The following MSRA variants were observed in gnomAD, a reference collection of about 807,000 sequenced individuals.
The protein encoded by MSRA is methionine sulfoxide reductase A, also known as mitochondrial peptide methionine sulfoxide reductase.
In MSRA, 54 loss-of-function variants were observed where a neutral mutation model predicts 31.3. The observed-to-expected ratio is 1.73, with a 90% CI of 1.39 to 2.17. The LOEUF (loss-of-function observed/expected upper bound fraction) is 2.17, where lower values mean the gene tolerates loss of function less well. Ranked by LOEUF, MSRA falls within the 30% of genes most tolerant of loss-of-function variation. The probability of loss-of-function intolerance (pLI) is 0.00; values close to 1 mark genes in which losing one functional copy is unlikely to be tolerated. For missense variants in MSRA, 507 were observed against 300.9 expected (o/e 1.69, Z -5.07); for synonymous variants, 169 against 116.5 (o/e 1.45, Z -2.90).
At chr8:10,310,794 CA>C in intron 4 of MSRA, among the ~76,000 whole-genome samples, 1 of 152,340 alleles carries the variant, frequency 6.6e-6, no homozygotes, top group South Asian at 2.1e-4. Flanking sequence ...CACATGGCCC[CA>C]CAGTGCTACA....
chr8:10,357,892 C>T (rs2129162993), intron 5 of MSRA, among the ~76,000 whole-genome samples: 1 of 152,288 alleles, frequency 6.6e-6, no homozygotes, highest in East Asian at 1.9e-4. Flanking sequence ...TTTTATATTG[C>T]ATTTGTATCT....
chr8:10,218,493 C>A (rs1369621769), intron 2 of MSRA, among the ~76,000 whole-genome samples: 2 of 152,140 alleles, frequency 1.3e-5, no homozygotes, highest in East Asian at 3.9e-4. Flanking sequence ...CTGATCATTG[C>A]CTCAGTCCAT....
chr8:10,313,056 C>T (rs1275561201), intron 4 of MSRA, among the ~76,000 whole-genome samples: 1 of 152,136 alleles, frequency 6.6e-6, no homozygotes, highest in Non-Finnish European at 1.5e-5. Flanking sequence ...TTGAAAAATC[C>T]ACTAGATACC....
chr8:10,384,965 G>A (rs1193308316), intron 5 of MSRA, among the ~76,000 whole-genome samples: 6 of 151,984 alleles, frequency 3.9e-5, no homozygotes, highest in Admixed American at 3.9e-4. Context: ...TTGGGCCACT[G>A]CACTCCAGCC....
chr8:10,184,108 C>G (rs1161206761), intron 1 of MSRA, among the ~76,000 whole-genome samples: 2 of 148,754 alleles, frequency 1.3e-5, no homozygotes, highest in Admixed American at 6.7e-5. Context: ...TGTTGATGGT[C>G]TTGGTGGTGG....
chr8:10,286,133 G>T (rs1255140586), intron 3 of MSRA, among the ~76,000 whole-genome samples: 1 of 152,042 alleles, frequency 6.6e-6, no homozygotes, highest in African/African-American at 2.4e-5. Flanking sequence ...TCCATTCTAG[G>T]ATCTTCTTCC....
intron 1 of MSRA, among the ~76,000 whole-genome samples, chr8:10,092,663 T>C (rs991560278): frequency 6.7e-6 from 1 of 149,194 alleles, no homozygotes; most frequent in Non-Finnish European, 1.5e-5. Context: ...AAAATTCTGC[T>C]CTTGTTGGGT....
intron 5 of MSRA, among the ~76,000 whole-genome samples, chr8:10,351,116 C>G (rs1404868840): frequency 6.6e-6 from 1 of 152,198 alleles, no homozygotes; most frequent in Non-Finnish European, 1.5e-5. Context: ...ACCTGAGATG[C>G]TTCAGTGGAA....
chr8:10,363,891 A>T (rs1382706262), intron 5 of MSRA, among the ~76,000 whole-genome samples: 2 of 152,166 alleles, frequency 1.3e-5, no homozygotes, highest in African/African-American at 4.8e-5. Flanking sequence ...TGATGGCACC[A>T]CTGCAGTCCA....
intron 1 of MSRA, among the ~76,000 whole-genome samples, chr8:10,176,001 G>A (rs767903403): frequency 3.9e-5 from 6 of 152,230 alleles, no homozygotes; most frequent in East Asian, 1.9e-4. Flanking sequence ...CTTTTCCTGA[G>A]TCATCAGTAT....
chr8:10,377,595 T>C (rs1194926513), intron 5 of MSRA, among the ~76,000 whole-genome samples: 1 of 152,208 alleles, frequency 6.6e-6, no homozygotes, highest in Admixed American at 6.5e-5. Context: ...TTTGGTTTTG[T>C]CTCTGCCTAG....
intron 5 of MSRA, among the ~76,000 whole-genome samples, chr8:10,423,042 G>A (rs1260235581): frequency 1.3e-5 from 2 of 152,210 alleles, no homozygotes; most frequent in African/African-American, 4.8e-5. Context: ...CACGGGTGCA[G>A]CCTCCTTATT....
intron 1 of MSRA, among the ~76,000 whole-genome samples, chr8:10,069,068 C>T (rs1267416905): frequency 1.3e-5 from 2 of 151,984 alleles, no homozygotes; most frequent in African/African-American, 2.4e-5. Flanking sequence ...TTTCAAATTC[C>T]AGTTGTTCGT....
At chr8:10,168,890 T>G (rs1805366121) in intron 1 of MSRA, among the ~76,000 whole-genome samples, 1 of 152,240 alleles carries the variant, frequency 6.6e-6, no homozygotes, top group African/African-American at 2.4e-5. Flanking sequence ...ATATATTGTT[T>G]CCAGTCACAG....
chr8:10,185,944 G>C (rs1166259743), intron 1 of MSRA, among the ~76,000 whole-genome samples: 1 of 151,924 alleles, frequency 6.6e-6, no homozygotes, highest in East Asian at 1.9e-4. Flanking sequence ...TTATTGACCT[G>C]TGCAAAGGAG....
intron 5 of MSRA, among the ~76,000 whole-genome samples, chr8:10,387,414 T>C (rs1327138847): frequency 6.6e-6 from 1 of 152,106 alleles, no homozygotes; most frequent in African/African-American, 2.4e-5. Context: ...TAATGTGCAA[T>C]TGTGCACGGG....
At chr8:10,402,407 C>A (rs529010241) in intron 5 of MSRA, among the ~76,000 whole-genome samples, 3 of 152,244 alleles carry the variant, frequency 2.0e-5, no homozygotes, top group African/African-American at 7.2e-5. Context: ...CAGCTGCTTT[C>A]TGGCCTGGAA....
chr8:10,416,853 CCTT>C (rs1034373728), intron 5 of MSRA, among the ~76,000 whole-genome samples: 2 of 152,350 alleles, frequency 1.3e-5, no homozygotes, highest in South Asian at 4.1e-4. Flanking sequence ...TCCTTCCTCT[CCTT>C]CTCCATCCTC....
At chr8:10,207,971 C>T (rs770523293) in intron 2 of MSRA, 70 bp downstream of exon 2, 35 of 1,294,780 alleles carry the variant, frequency 2.7e-5, no homozygotes, top group Middle Eastern at 2.1e-4. Context: ...TTAGTTTTAG[C>T]AAGTGTTCTC....
Sources: gnomAD v4.1 joint callset for allele counts (sites outside exome capture counted in the v4.1 genomes callset) on GRCh38, gnomAD v4.1.1 for gene constraint, MANE v1.5 for transcripts, NCBI Gene and HGNC (gene_info 2026-07-23, HGNC 2026-07-21) for gene names.